Variants in TMIGD3 observed in about 807,000 individuals in gnomAD.
TMIGD3 encodes AD026 protein (AD026).
A neutral mutation model predicts 28.1 loss-of-function variants in TMIGD3; 21 were observed. That is an observed-to-expected ratio of 0.75 (90% CI 0.53 to 1.08). The LOEUF (loss-of-function observed/expected upper bound fraction) is 1.08. Ranked by LOEUF, TMIGD3 falls within the 50% of genes least tolerant of loss-of-function variation. The pLI, the probability that TMIGD3 is intolerant of heterozygous loss-of-function variation, is 0.00. For synonymous variants in TMIGD3, 151 were observed against 162.1 expected (o/e 0.93, Z 0.52); for missense variants, 416 against 435.6 (o/e 0.96, Z 0.40).
intron 1 of TMIGD3, chr1:111,500,430 T>G (rs1216317242): frequency 1.2e-6 from 2 of 1,614,088 alleles, no homozygotes; most frequent in Non-Finnish European, 1.7e-6. Flanking sequence ...AGGTGACATT[T>G]CTGTGGTACT....
Position 111,503,121 on chromosome 1 carries a change from G to A in TMIGD3, c.234C>T (p.Ile78=), listed in dbSNP as rs1017774893. The change falls in exon 1 of 6, where the codon ATC becomes ATT. Residue 78 remains isoleucine, a synonymous_variant. Coordinates refer to ENST00000369716, the MANE Select transcript of TMIGD3 (RefSeq NM_020683.7). The part of the protein sequence containing the change: ...LAIVVSLGIT[I]HFYSCLFMTC... ...TCATAAAAAGGCAGCTGTAGAAGTG[G>A]ATTGTGATGCCCAGGCTGACAACAA... 1 of 1,614,222 alleles carries A rather than the reference G, an allele frequency of 6.2e-7. No individual in the cohort carries two copies. The highest frequency in any genetic ancestry group is 8.5e-7 in the Non-Finnish European group (1 of 1,180,030).
intron 1 of TMIGD3, among the ~76,000 whole-genome samples, chr1:111,511,148 G>A (rs570905704): frequency 1.2e-4 from 18 of 152,252 alleles, no homozygotes; most frequent in African/African-American, 3.1e-4. Flanking sequence ...CGCCCACATC[G>A]CTTTACACAT....
chr1:111,529,513 C>T (rs867023387), intron 1 of TMIGD3, among the ~76,000 whole-genome samples: 5 of 148,904 alleles, frequency 3.4e-5, no homozygotes, highest in South Asian at 2.2e-4. Flanking sequence ...GAGGACCCTG[C>T]GGCCTTCCGC....
chr1:111,512,644 G>T (rs1655729017), intron 1 of TMIGD3, among the ~76,000 whole-genome samples: 1 of 152,202 alleles, frequency 6.6e-6, no homozygotes, highest in Admixed American at 6.5e-5. Flanking sequence ...GGTGGGGTTG[G>T]GGGTTGATGT....
intron 2 of TMIGD3, chr1:111,489,462 C>A (rs1202636272): frequency 1.4e-6 from 1 of 733,370 alleles, no homozygotes; most frequent in Non-Finnish European, 1.7e-6. Context: ...CGATCTTGAA[C>A]TTACCACCTT....
intron 1 of TMIGD3, among the ~76,000 whole-genome samples, chr1:111,561,975 T>A (rs1233432176): frequency 3.3e-5 from 5 of 151,902 alleles, no homozygotes; most frequent in Non-Finnish European, 7.4e-5. Flanking sequence ...ATCCCTAGTT[T>A]AAATTTCTGC....
chr1:111,490,563 A>G, intron 2 of TMIGD3, 93 bp downstream of exon 2: 3 of 897,860 alleles, frequency 3.3e-6, no homozygotes. Flanking sequence ...TCGAGTTAAT[A>G]AGCAAGGACT....
At chr1:111,547,891 G>A (rs1657097345) in intron 1 of TMIGD3, among the ~76,000 whole-genome samples, 1 of 152,190 alleles carries the variant, frequency 6.6e-6, no homozygotes, top group African/African-American at 2.4e-5. Flanking sequence ...ATAAGCAGAT[G>A]CTATCATTCT....
At chr1:111,517,045 T>C (rs1557832106) in intron 1 of TMIGD3, among the ~76,000 whole-genome samples, 1 of 152,132 alleles carries the variant, frequency 6.6e-6, no homozygotes, top group East Asian at 1.9e-4. Context: ...CATCCCACAC[T>C]CTCTCACTCT....
In TMIGD3 at chr1:111,514,328, T is replaced by G. The variant is rs1655788336; in HGVS notation, c.108-23566A>C. Among the ~76,000 whole-genome samples, 3 of 152,128 alleles carry G rather than the reference T, an allele frequency of 2.0e-5. No individual in the cohort carries two copies. In the South Asian group the frequency reaches 6.2e-4, roughly 31 times the overall value. On this transcript the variant is annotated intron_variant, in intron 1 of 5. Coordinates refer to the TMIGD3 transcript ENST00000369717. ...GGAAGGCCGAGACAGGTGGATTGCTTGAGCCCAGGAGTTCAAGACCAGCAT... is the reference window on the plus strand; with the variant it reads ...GGAAGGCCGAGACAGGTGGATTGCTGGAGCCCAGGAGTTCAAGACCAGCAT...
At chr1:111,512,526 AC>A (rs1655725021) in intron 1 of TMIGD3, among the ~76,000 whole-genome samples, 1 of 152,064 alleles carries the variant, frequency 6.6e-6, no homozygotes, top group African/African-American at 2.4e-5. Flanking sequence ...TAAATAAGAT[AC>A]CCCTCTGCGG....
At chr1:111,550,957 G>A (rs1028710172) in intron 1 of TMIGD3, among the ~76,000 whole-genome samples, 6 of 149,902 alleles carry the variant, frequency 4.0e-5, no homozygotes, top group African/African-American at 1.5e-4. Context: ...ATAGTGGAGT[G>A]ACTCTTTTAT....
At chr1:111,502,097 G>T (rs2488943) in intron 1 of TMIGD3, among the ~76,000 whole-genome samples, 13,618 of 48,324 alleles carry the variant, frequency 0.28, 2,865 homozygotes, top group Non-Finnish European at 0.36. Flanking sequence ...ATATATAGGA[G>T]ATATATATTT....
chr1:111,539,458 C>A (rs1398153730), intron 1 of TMIGD3, among the ~76,000 whole-genome samples: 1 of 152,134 alleles, frequency 6.6e-6, no homozygotes, highest in Non-Finnish European at 1.5e-5. Flanking sequence ...CCATCAAGCC[C>A]AGCTAATTTT....
At chr1:111,494,759 A>G (rs2100968630) in intron 1 of TMIGD3, among the ~76,000 whole-genome samples, 1 of 152,366 alleles carries the variant, frequency 6.6e-6, no homozygotes, top group South Asian at 2.1e-4. Context: ...CTACAGGACT[A>G]TAGTAACCAA....
At chr1:111,550,882 A>G (rs1657229032) in intron 1 of TMIGD3, among the ~76,000 whole-genome samples, 1 of 151,344 alleles carries the variant, frequency 6.6e-6, no homozygotes, top group Non-Finnish European at 1.5e-5. Context: ...GGCCTGTCTT[A>G]TAGTTTAACC....
chr1:111,553,284 G>T (rs1657345429), intron 1 of TMIGD3, among the ~76,000 whole-genome samples: 1 of 152,208 alleles, frequency 6.6e-6, no homozygotes, highest in African/African-American at 2.4e-5. Flanking sequence ...GAGTTTCCTA[G>T]GCTTGGGATT....
chr1:111,490,833 G>A (rs1353845802), intron 1 of TMIGD3, 71 bp from the exon 2 acceptor site: 1 of 1,142,032 alleles, frequency 8.8e-7, no homozygotes. Context: ...CAGTGAAAAG[G>A]GAAACAACCA....
At chr1:111,549,509 G>T (rs1166725422) in intron 1 of TMIGD3, among the ~76,000 whole-genome samples, 3 of 151,830 alleles carry the variant, frequency 2.0e-5, no homozygotes, top group Non-Finnish European at 4.4e-5. Flanking sequence ...AATTAACCTG[G>T]TGTGGTGGCA....
Sources: gnomAD v4.1 joint callset for allele counts (sites outside exome capture counted in the v4.1 genomes callset) on GRCh38, gnomAD v4.1.1 for gene constraint, MANE v1.5 for transcripts, NCBI Gene and HGNC (gene_info 2026-07-23, HGNC 2026-07-21) for gene names.